The following DCC variants were observed in gnomAD, a reference collection of about 807,000 sequenced individuals.
DCC encodes DCC netrin 1 receptor.
A neutral mutation model predicts 172.5 loss-of-function variants in DCC; 58 were observed. The ratio of observed to expected loss-of-function variants is 0.34; its 90% confidence interval spans 0.27 to 0.42. The LOEUF is 0.42. Among genes scored for constraint, DCC ranks in the 10% least tolerant of loss-of-function variants. The pLI is 1.00. For synonymous variants in DCC, 709 were observed against 644.5 expected, an observed-to-expected ratio of 1.10 and a Z score of -1.52; for missense variants, 1,740 against 1,791.0, an observed-to-expected ratio of 0.97 and a Z score of 0.51.
At position 53,459,367 on chromosome 18, in the gene DCC, G is replaced by A; in HGVS notation, c.3528G>A (p.Arg1176=). Residue 1176 remains arginine (R), a synonymous_variant, in exon 24 of 29, where the codon AGG becomes AGA. Coordinates refer to ENST00000442544, the MANE Select transcript of DCC (RefSeq NM_005215.4). ...EKPSGTDPAG[R]DSPIQSCQDL... Reference sequence around the variant, plus strand: ...CATCTGGCACTGACCCTGCAGGAAGGGACTCTCCCATCCAAAGTTGCCAAG... The same window carrying A: ...CATCTGGCACTGACCCTGCAGGAAGAGACTCTCCCATCCAAAGTTGCCAAG... The A allele has an allele frequency of 6.2e-7, 1 of 1,613,960 alleles. No individual in the cohort carries two copies. Among genetic ancestry groups the A allele is most frequent in the Non-Finnish European group, 8.5e-7 (1 of 1,179,954 alleles).
At chr18:52,714,024 A>G (rs1036319431) in intron 1 of DCC, among the ~76,000 whole-genome samples, 1 of 152,230 alleles carries the variant, frequency 6.6e-6, no homozygotes, top group African/African-American at 2.4e-5. Context: ...TACTACCTCT[A>G]AACTACTGCT....
intron 27 of DCC, among the ~76,000 whole-genome samples, chr18:53,526,414 T>G (rs2046456081): frequency 6.6e-6 from 1 of 152,166 alleles, no homozygotes; most frequent in Admixed American, 6.5e-5. Flanking sequence ...TGGAGCTGCA[T>G]CTGGAGAAGC....
At chr18:52,641,049 A>G (rs1428929724) in intron 1 of DCC, among the ~76,000 whole-genome samples, 4 of 152,204 alleles carry the variant, frequency 2.6e-5, no homozygotes, top group African/African-American at 9.6e-5. Context: ...TAGAAAAGCC[A>G]GAAATTGAAC....
rs869246207 is a variant in DCC at position 53,426,313 on chromosome 18, TTATATA to T, written c.3164-8829_3164-8824del. Among the ~76,000 whole-genome samples the T allele has an allele frequency of 6.0e-5, 3 of 50,400 alleles. No homozygotes were observed. The East Asian group carries it at 1.0e-3, about 17-fold the overall frequency. 33.1% of individuals were successfully genotyped at this position (50,400 alleles called of 152,430 possible). ...TTATAATATATATTTATAATATATA[TTATATA>T]TTTATAAATTTTATGATATATATTT... On this transcript the variant is annotated intron_variant, in intron 21 of 28. Transcript: ENST00000442544.
intron 2 of DCC, among the ~76,000 whole-genome samples, chr18:52,893,422 A>T (rs1024441595): frequency 7.2e-5 from 11 of 152,186 alleles, no homozygotes; most frequent in African/African-American, 2.7e-4. Context: ...TTGGGTTAAT[A>T]GACGGTCAGA....
intron 5 of DCC, among the ~76,000 whole-genome samples, chr18:53,036,448 A>G (rs2042093571): frequency 6.6e-6 from 1 of 152,014 alleles, no homozygotes; most frequent in South Asian, 2.1e-4. Context: ...AGTTACATTA[A>G]TTCACCTCTT....
At chr18:53,416,762 A>T (rs1910332025) in intron 21 of DCC, among the ~76,000 whole-genome samples, 1 of 152,184 alleles carries the variant, frequency 6.6e-6, no homozygotes, top group Non-Finnish European at 1.5e-5. Context: ...AGAAACAGGT[A>T]AAGTTTTACA....
At chr18:52,615,177 A>G (rs183846972) in intron 1 of DCC, among the ~76,000 whole-genome samples, 1 of 152,234 alleles carries the variant, frequency 6.6e-6, no homozygotes, top group East Asian at 1.9e-4. Flanking sequence ...AAGCTTTGGA[A>G]AGGTGCTTCA....
chr18:53,274,817 G>C (rs558362578), intron 12 of DCC, among the ~76,000 whole-genome samples: 1 of 152,026 alleles, frequency 6.6e-6, no homozygotes, highest in Non-Finnish European at 1.5e-5. Context: ...GATCACCTAG[G>C]ATCCTTTAGA....
intron 3 of DCC, among the ~76,000 whole-genome samples, chr18:52,921,873 T>C (rs2040131926): frequency 6.6e-6 from 1 of 151,884 alleles, no homozygotes; most frequent in East Asian, 1.9e-4. Context: ...AACGGTATTG[T>C]ATAGTGTAAG....
chr18:52,489,336 A>G (rs117039926), intron 1 of DCC, among the ~76,000 whole-genome samples: 1 of 152,064 alleles, frequency 6.6e-6, no homozygotes. Flanking sequence ...TTTTAACCTG[A>G]CCTCAGTTTT....
At chr18:53,068,994 T>C (rs2042614996) in intron 7 of DCC, among the ~76,000 whole-genome samples, 1 of 152,090 alleles carries the variant, frequency 6.6e-6, no homozygotes, top group African/African-American at 2.4e-5. Context: ...TATCTGTGTC[T>C]CTGGCAGTGC....
intron 5 of DCC, among the ~76,000 whole-genome samples, chr18:53,003,154 G>A (rs1042833423): frequency 1.3e-5 from 2 of 152,090 alleles, no homozygotes; most frequent in East Asian, 1.9e-4. Flanking sequence ...GTGACTTGAC[G>A]TCCTCTCCAG....
At chr18:53,318,619 T>C (rs542836772) in intron 13 of DCC, among the ~76,000 whole-genome samples, 2 of 152,300 alleles carry the variant, frequency 1.3e-5, no homozygotes, top group African/African-American at 4.8e-5. Flanking sequence ...GGAGTCGAAG[T>C]CTCTTTGTAG....
chr18:52,532,683 T>A (rs1027128371), intron 1 of DCC, among the ~76,000 whole-genome samples: 4 of 152,026 alleles, frequency 2.6e-5, no homozygotes, highest in Non-Finnish European at 5.9e-5. Context: ...GTCCATAGGG[T>A]ACAAGAGAGA....
chr18:53,023,357 A>T (rs7506499), intron 5 of DCC, among the ~76,000 whole-genome samples: 1 of 140,702 alleles, frequency 7.1e-6, no homozygotes, highest in South Asian at 2.2e-4. Flanking sequence ...CATAAAAAAA[A>T]TAAAAATAAA....
At chr18:52,505,842 T>C (rs543181906) in intron 1 of DCC, among the ~76,000 whole-genome samples, 14 of 152,326 alleles carry the variant, frequency 9.2e-5, no homozygotes, top group Middle Eastern at 3.4e-3. Context: ...CAGAATAGCA[T>C]TGTTTTTTTC....
chr18:52,394,348 C>A (rs1294636676), intron 1 of DCC, among the ~76,000 whole-genome samples: 2 of 151,972 alleles, frequency 1.3e-5, no homozygotes, highest in East Asian at 1.9e-4. Flanking sequence ...CTCACTACAG[C>A]CTTGAACTCC....
chr18:52,389,602 A>G (rs1985949414), intron 1 of DCC, among the ~76,000 whole-genome samples: 2 of 152,114 alleles, frequency 1.3e-5, no homozygotes, highest in African/African-American at 4.8e-5. Context: ...TCATGCAAAA[A>G]GCAATATGGA....
Sources: gnomAD v4.1 joint callset for allele counts (sites outside exome capture counted in the v4.1 genomes callset) on GRCh38, gnomAD v4.1.1 for gene constraint, MANE v1.5 for transcripts, NCBI Gene and HGNC (gene_info 2026-07-23, HGNC 2026-07-21) for gene names.